Variants in SLC41A2 observed in about 807,000 individuals in gnomAD.
SLC41A2 encodes the protein SLC41A1-like 1.
A neutral mutation model predicts 58.3 loss-of-function variants in SLC41A2; 32 were observed. That is an observed-to-expected ratio of 0.55 (90% CI 0.41 to 0.74). The LOEUF (loss-of-function observed/expected upper bound fraction) is 0.74. SLC41A2 is among the 30% of genes least tolerant of loss of function. SLC41A2 has a pLI of 0.00. For missense variants in SLC41A2, 514 were observed against 680.6 expected, an observed-to-expected ratio of 0.76 and a Z score of 2.72; for synonymous variants, 190 against 235.0, an observed-to-expected ratio of 0.81 and a Z score of 1.75.
chr12:104,954,118 T>C (rs1946951276), intron 1 of SLC41A2, among the ~76,000 whole-genome samples: 2 of 152,190 alleles, frequency 1.3e-5, no homozygotes, highest in South Asian at 4.1e-4. Context: ...TCCTCACTTT[T>C]AGAAGTAGGG....
intron 10 of SLC41A2, among the ~76,000 whole-genome samples, chr12:104,843,245 G>A (rs1326431728): frequency 6.6e-6 from 1 of 151,532 alleles, no homozygotes; most frequent in Non-Finnish European, 1.5e-5. Context: ...ACGAGACCTT[G>A]AGCACAGAGT....
chr12:104,871,475 A>G (rs1052096679), intron 6 of SLC41A2, among the ~76,000 whole-genome samples: 1 of 152,202 alleles, frequency 6.6e-6, no homozygotes, highest in Admixed American at 6.5e-5. Context: ...GCCACACAAA[A>G]GTATATCAGA....
At chr12:104,878,102 T>C (rs2044145336) in intron 6 of SLC41A2, among the ~76,000 whole-genome samples, 1 of 151,928 alleles carries the variant, frequency 6.6e-6, no homozygotes, top group Non-Finnish European at 1.5e-5. Context: ...TGGAATCTCA[T>C]AGTACTTAAT....
chr12:104,822,636 A>ACAAT (rs2041681538), intron 10 of SLC41A2, among the ~76,000 whole-genome samples: 1 of 152,190 alleles, frequency 6.6e-6, no homozygotes, highest in Non-Finnish European at 1.5e-5. Flanking sequence ...GCCCCATGAG[A>ACAAT]CAATGACCTA....
At chr12:104,880,963 T>G (rs2135600000) in intron 6 of SLC41A2, among the ~76,000 whole-genome samples, 1 of 152,326 alleles carries the variant, frequency 6.6e-6, no homozygotes, top group South Asian at 2.1e-4. Context: ...TTTTGGTTGG[T>G]AAGCTACTAA....
At chr12:104,822,321 ATGGTCC>A (rs2041669126) in intron 10 of SLC41A2, among the ~76,000 whole-genome samples, 1 of 152,176 alleles carries the variant, frequency 6.6e-6, no homozygotes, top group Admixed American at 6.5e-5. Flanking sequence ...CATAGCCAAA[ATGGTCC>A]TGAGTCTACT....
In SLC41A2 at chr12:104,833,182, G is replaced by A. The variant is rs1478899234; in HGVS notation, c.1536+11290C>T. 2.6e-5 allele frequency among the ~76,000 whole-genome samples: 4 copies of A among 152,258 alleles called. No homozygotes were observed. In the East Asian group the frequency reaches 5.8e-4, roughly 22 times the overall value. ...CTGATTGTTCTTTAGCCACAGTAAC[G>A]AGTAGCCACCACAACTGGTTTTAAA... On this transcript the variant is annotated intron_variant, in intron 10 of 10. Transcript: ENST00000258538.
intron 3 of SLC41A2, 123 bp downstream of exon 3, chr12:104,909,532 C>T (rs1348375238): frequency 1.5e-6 from 1 of 675,168 alleles, no homozygotes; most frequent in East Asian, 2.9e-5. Flanking sequence ...GGCATAACTA[C>T]TTAGCACAGC....
intron 1 of SLC41A2, among the ~76,000 whole-genome samples, chr12:104,940,733 T>C (rs564942504): frequency 1.3e-5 from 2 of 151,510 alleles, no homozygotes; most frequent in South Asian, 2.1e-4. Flanking sequence ...GCCTGGCCAA[T>C]AGGGTGAAAC....
At chr12:104,957,709 G>A (rs1049347723) in intron 1 of SLC41A2, among the ~76,000 whole-genome samples, 4 of 152,370 alleles carry the variant, frequency 2.6e-5, no homozygotes, top group Middle Eastern at 3.4e-3. Flanking sequence ...CACTCGCGGA[G>A]CCCTGAACAG....
chr12:104,920,148 G>A (rs1458249408), intron 2 of SLC41A2, among the ~76,000 whole-genome samples: 1 of 152,062 alleles, frequency 6.6e-6, no homozygotes, highest in Non-Finnish European at 1.5e-5. Flanking sequence ...TCTCTCTCTA[G>A]GTTGTCCATT....
intron 10 of SLC41A2, among the ~76,000 whole-genome samples, chr12:104,832,333 GATTA>G: frequency 6.6e-6 from 1 of 152,148 alleles, no homozygotes. Context: ...TCCAGGAAAA[GATTA>G]ATTGTTATGC....
In SLC41A2 at chr12:104,849,856, A is replaced by C. The variant is rs575299935; in HGVS notation, c.1256-3882T>G. Among the ~76,000 whole-genome samples, 22 of 152,288 alleles carry C rather than the reference A, an allele frequency of 1.4e-4. No individual in the cohort carries two copies. In the South Asian group the frequency reaches 3.9e-3, roughly 27 times the overall value. ...TAAGTAAGTAAGTAAATAAATAAAT[A>C]AAGTTGTTGATATGCATACTCTACA... On this transcript the variant is annotated intron_variant, in intron 8 of 10. Transcript: ENST00000258538.
At chr12:104,900,293 C>T (rs1254336399) in intron 3 of SLC41A2, among the ~76,000 whole-genome samples, 1 of 152,180 alleles carries the variant, frequency 6.6e-6, no homozygotes, top group Non-Finnish European at 1.5e-5. Flanking sequence ...TTCATCCAAC[C>T]ATTTCATTCT....
intron 3 of SLC41A2, among the ~76,000 whole-genome samples, chr12:104,902,441 A>C (rs1395596222): frequency 6.6e-6 from 1 of 152,228 alleles, no homozygotes; most frequent in Admixed American, 6.5e-5. Context: ...GCTGGAAATA[A>C]GAGAAACTAA....
At chr12:104,881,677 A>G (rs991092833) in intron 6 of SLC41A2, among the ~76,000 whole-genome samples, 3 of 152,106 alleles carry the variant, frequency 2.0e-5, no homozygotes, top group Non-Finnish European at 4.4e-5. Flanking sequence ...GTGGTCTGAG[A>G]GATAGTTTGT....
At chr12:104,835,091 AATG>A (rs2042163542) in intron 10 of SLC41A2, among the ~76,000 whole-genome samples, 2 of 152,320 alleles carry the variant, frequency 1.3e-5, no homozygotes, top group East Asian at 3.9e-4. Context: ...ATAAGACAAT[AATG>A]ATGAAAATAA....
intron 2 of SLC41A2, among the ~76,000 whole-genome samples, chr12:104,921,031 G>A (rs2046571999): frequency 6.6e-6 from 1 of 151,914 alleles, no homozygotes; most frequent in Non-Finnish European, 1.5e-5. Context: ...AGGATCACTT[G>A]AGCCCAGGAA....
intron 1 of SLC41A2, among the ~76,000 whole-genome samples, chr12:104,943,366 G>A (rs2135952802): frequency 6.6e-6 from 1 of 152,146 alleles, no homozygotes; most frequent in East Asian, 1.9e-4. Context: ...GCCAATGGAT[G>A]CCCTGGAGTC....
Sources: gnomAD v4.1 joint callset for allele counts (sites outside exome capture counted in the v4.1 genomes callset) on GRCh38, gnomAD v4.1.1 for gene constraint, MANE v1.5 for transcripts, NCBI Gene and HGNC (gene_info 2026-07-23, HGNC 2026-07-21) for gene names.